Variants in TMEM132D observed in about 807,000 individuals in gnomAD.
TMEM132D encodes the protein mature OL transmembrane protein.
In TMEM132D, 21 loss-of-function variants were observed where a neutral mutation model predicts 62.3. That is an observed-to-expected ratio of 0.34 (90% confidence interval 0.24 to 0.49). The LOEUF is 0.49. TMEM132D is among the 20% of genes least tolerant of loss of function. The pLI is 0.99. For synonymous variants in TMEM132D, 621 were observed against 575.6 expected (o/e 1.08, Z -1.13); for missense variants, 1,346 against 1,402.8 (o/e 0.96, Z 0.65).
intron 1 of TMEM132D, among the ~76,000 whole-genome samples, chr12:129,720,266 C>T (rs569164448): frequency 6.6e-6 from 1 of 152,212 alleles, no homozygotes; most frequent in South Asian, 2.1e-4. Context: ...ATGTGTTATT[C>T]TTATACACTC....
intron 5 of TMEM132D, among the ~76,000 whole-genome samples, chr12:129,179,213 G>T (rs958919105): frequency 9.2e-5 from 14 of 152,246 alleles, no homozygotes; most frequent in African/African-American, 3.4e-4. Flanking sequence ...GGATGGGCAA[G>T]GGGTTAGCAG....
intron 2 of TMEM132D, among the ~76,000 whole-genome samples, chr12:129,588,243 A>G (rs1319582807): frequency 6.6e-6 from 1 of 152,204 alleles, no homozygotes; most frequent in African/African-American, 2.4e-5. Context: ...GCACATCTAC[A>G]GATTCTATAG....
At chr12:129,797,332 A>G (rs1454508138) in intron 1 of TMEM132D, among the ~76,000 whole-genome samples, 2 of 152,170 alleles carry the variant, frequency 1.3e-5, no homozygotes, top group Non-Finnish European at 2.9e-5. Flanking sequence ...GTTCCACTGT[A>G]TAGCAGTTTT....
intron 1 of TMEM132D, among the ~76,000 whole-genome samples, chr12:129,764,738 C>G (rs1870498029): frequency 6.6e-6 from 1 of 152,060 alleles, no homozygotes; most frequent in Non-Finnish European, 1.5e-5. Context: ...CCCAGGAGTT[C>G]AAGACCAGCC....
chr12:129,084,749 T>C, intron 5 of TMEM132D, 47 bp from the exon 6 acceptor site: 1 of 1,585,566 alleles, frequency 6.3e-7, no homozygotes, highest in Non-Finnish European at 8.6e-7. Flanking sequence ...TGAGCTTTCA[T>C]CCCGTTGCAT....
At chr12:129,570,650 G>C (rs1172738611) in intron 2 of TMEM132D, among the ~76,000 whole-genome samples, 1 of 152,226 alleles carries the variant, frequency 6.6e-6, no homozygotes, top group Non-Finnish European at 1.5e-5. Context: ...GCAATTCTGG[G>C]TCCTGGACTG....
chr12:129,371,424 A>G lies in TMEM132D; in HGVS notation c.1116-33607T>C, dbSNP rs1353778723. Among the ~76,000 whole-genome samples the G allele has an allele frequency of 6.6e-6, 1 of 151,612 alleles. No homozygotes were observed. Among genetic ancestry groups the G allele is most frequent in the Non-Finnish European group, 1.5e-5 (1 of 67,924 alleles). ...GATTATGATGATGATGATGGTGATA[A>G]TGGAGATGATGATGATGTGATATTG... On this transcript the variant is annotated intron_variant, in intron 3 of 8. Transcript: ENST00000422113. The surrounding 1 kb of genome is among the most constrained non-coding windows in gnomAD (Gnocchi z 4.3).
rs138413319 is a variant in TMEM132D at position 129,550,419 on chromosome 12, C to T, written c.969-19214G>A. Among the ~76,000 whole-genome samples the T allele has an allele frequency of 7.9e-4, 121 of 152,248 alleles. 2 individuals carry two copies. In the East Asian group the frequency reaches 0.016, roughly 20 times the overall value. On this transcript the variant is annotated intron_variant, in intron 2 of 8. Transcript: ENST00000422113. Reference sequence around the variant, plus strand: ...TGCCCCTCTGAAATGGTTCTTTCTTCCGTATTTCCCAGCCTCTTGATTGAC... The same window carrying T: ...TGCCCCTCTGAAATGGTTCTTTCTTTCGTATTTCCCAGCCTCTTGATTGAC...
At chr12:129,297,560 C>T (rs1303537953) in intron 4 of TMEM132D, among the ~76,000 whole-genome samples, 1 of 152,164 alleles carries the variant, frequency 6.6e-6, no homozygotes, top group African/African-American at 2.4e-5. Flanking sequence ...TCAAAGCACC[C>T]CAGGCTCTGT....
chr12:129,348,770 G>T (rs1869770927), intron 3 of TMEM132D, among the ~76,000 whole-genome samples: 1 of 152,210 alleles, frequency 6.6e-6, no homozygotes, highest in African/African-American at 2.4e-5. Context: ...GGATTGCCCA[G>T]CATCCCAGAG....
At chr12:129,623,698 T>C (rs117278844) in intron 2 of TMEM132D, among the ~76,000 whole-genome samples, 2,923 of 143,564 alleles carry the variant, frequency 0.02, 109 homozygotes, top group African/African-American at 0.075. Flanking sequence ...TATATACATA[T>C]ATATACATAC....
intron 5 of TMEM132D, among the ~76,000 whole-genome samples, chr12:129,173,935 T>G (rs1023947387): frequency 2.0e-5 from 3 of 152,150 alleles, no homozygotes; most frequent in African/African-American, 7.2e-5. Context: ...GAGACACGAA[T>G]ATCTCCAAAT....
At chr12:129,524,927 C>CTTTTTTT (rs372985812) in intron 3 of TMEM132D, among the ~76,000 whole-genome samples, 5 of 85,952 alleles carry the variant, frequency 5.8e-5, no homozygotes, top group Admixed American at 3.1e-4. Flanking sequence ...TTTCTTTTTT[C>CTTTTTTT]TTTTTTTTTT....
Position 129,156,035 on chromosome 12 carries a change from C to T in TMEM132D, c.1443+53485G>A, listed in dbSNP as rs138899367. On this transcript the variant is annotated intron_variant, in intron 5 of 8. Coordinates refer to ENST00000422113, the MANE Select transcript of TMEM132D (RefSeq NM_133448.3). ...AAACTCCCAAAATAACCAAACCACT[C>T]CCGTGATAACTGACCCACTTCTGAC... Among the ~76,000 whole-genome samples, 767 of 152,146 alleles carry T rather than the reference C, an allele frequency of 5.0e-3. 8 individuals carry two copies. The highest frequency in any genetic ancestry group is 0.017 in the African/African-American group (689 of 41,492).
At chr12:129,189,834 T>C (rs1229297308) in intron 5 of TMEM132D, among the ~76,000 whole-genome samples, 2 of 151,762 alleles carry the variant, frequency 1.3e-5, no homozygotes, top group Non-Finnish European at 2.9e-5. Flanking sequence ...TGTGAATGAG[T>C]TAGGTTACAT....
intron 1 of TMEM132D, among the ~76,000 whole-genome samples, chr12:129,834,214 TCG>T (rs200213974): frequency 0.59 from 90,202 of 151,894 alleles, 28,075 homozygotes; most frequent in Middle Eastern, 0.71. Context: ...CACCAGGCAC[TCG>T]GATGTGCTAT....
At chr12:129,765,300 C>T (rs563677240) in intron 1 of TMEM132D, among the ~76,000 whole-genome samples, 1 of 152,236 alleles carries the variant, frequency 6.6e-6, no homozygotes, top group South Asian at 2.1e-4. Flanking sequence ...GGTGCGGTGG[C>T]TCATGCCTGT....
At chr12:129,642,526 C>A (rs1227057800) in intron 2 of TMEM132D, among the ~76,000 whole-genome samples, 1 of 152,228 alleles carries the variant, frequency 6.6e-6, no homozygotes, top group East Asian at 1.9e-4. Context: ...ACACTCAGAC[C>A]TAGCCTCCAG....
intron 1 of TMEM132D, among the ~76,000 whole-genome samples, chr12:129,761,012 A>G (rs1305163404): frequency 1.3e-5 from 2 of 151,666 alleles, no homozygotes; most frequent in African/African-American, 4.9e-5. Context: ...AGTTCTACAC[A>G]TACTGATTTA....
Sources: allele counts gnomAD v4.1 joint callset (sites outside exome capture counted in the v4.1 genomes callset), GRCh38; gene constraint gnomAD v4.1.1; non-coding constraint Gnocchi (gnomAD v3.1); transcripts MANE v1.5; gene names NCBI Gene and HGNC (gene_info 2026-07-23, HGNC 2026-07-21).